SDHAF2: variants seen among roughly 807,000 people sequenced by gnomAD.
SDHAF2 encodes succinate dehydrogenase assembly factor 2, mitochondrial.
SDHAF2 carries 21 observed loss-of-function variants against 18.5 expected under a neutral mutation model. That is an observed-to-expected ratio of 1.13 (90% confidence interval 0.80 to 1.63). SDHAF2 has a LOEUF of 1.63. SDHAF2 is among the 40% of genes most tolerant of loss of function. The pLI is 0.00. For missense variants in SDHAF2, 195 were observed against 200.3 expected (o/e 0.97, Z 0.16); for synonymous variants, 84 against 70.7 (o/e 1.19, Z -0.94).
Position 61,446,179 on chromosome 11 carries a change from G to A in SDHAF2, c.*108G>A. ...TTAGATGCCCAGCTGCCCTACCCCA[G>A]ACCACTGGTCCTGCCTCAAGTGATG... is the stretch of plus-strand genomic sequence containing the variant. On this transcript the variant is annotated 3_prime_UTR_variant, in exon 4 of 4. Coordinates refer to ENST00000301761, the MANE Select transcript of SDHAF2 (RefSeq NM_017841.4). 2 of 1,258,730 alleles carry A rather than the reference G, an allele frequency of 1.6e-6. No homozygotes were observed. The highest frequency in any genetic ancestry group is 2.3e-5 in the East Asian group (1 of 43,252). The allele number at this position is 1,258,730 out of a possible 1,614,324, so 78.0% of individuals were successfully genotyped here. A position where few individuals can be genotyped will look rare whatever the true frequency, so the allele number is the denominator to read the frequency against.
At chr11:61,437,580 A>G (rs367982539) in intron 1 of SDHAF2, 45 bp from the exon 2 acceptor site, 1 of 1,473,872 alleles carries the variant, frequency 6.8e-7, no homozygotes, top group Non-Finnish European at 9.5e-7. Context: ...GATAGCGATG[A>G]TAGTCGTCAT....
At chr11:61,444,615 C>A (rs913355169) in intron 3 of SDHAF2, among the ~76,000 whole-genome samples, 1 of 151,280 alleles carries the variant, frequency 6.6e-6, no homozygotes, top group Admixed American at 6.6e-5. Flanking sequence ...TGGTGGCGGG[C>A]GCCTGTGGTG....
chr11:61,437,023 T>C lies in SDHAF2; in HGVS notation c.37-602T>C, dbSNP rs1292290211. The C allele has an allele frequency of 2.6e-6, 3 of 1,169,102 alleles. No homozygotes were observed. The East Asian group carries it at 1.9e-4, about 73-fold the overall frequency. 72.4% of individuals were successfully genotyped at this position (1,169,102 alleles called of 1,614,324 possible). ...TAAGGGAGTGCAAAGGAAGGAAAAA[T>C]TATTTCTGCTGGGATAGTTTCTGGA... On this transcript the variant is annotated intron_variant, in intron 1 of 3. Coordinates refer to ENST00000301761, the MANE Select transcript of SDHAF2 (RefSeq NM_017841.4).
intron 1 of SDHAF2, chr11:61,431,929 A>G (rs577860904): frequency 2.6e-5 from 4 of 152,404 alleles, no homozygotes; most frequent in African/African-American, 4.8e-5. Flanking sequence ...TGACCTCGTG[A>G]TCTGCCCGCC....
chr11:61,436,850 T>A lies in SDHAF2; in HGVS notation c.37-775T>A, dbSNP rs996150639. ...CTACTCCACCATCTTCACCTCTTGC[T>A]GAGGTCACCACCTTGACATCATATC... On this transcript the variant is annotated intron_variant, in intron 1 of 3. Coordinates refer to ENST00000301761, the MANE Select transcript of SDHAF2 (RefSeq NM_017841.4). The A allele has an allele frequency of 3.1e-6, 4 of 1,284,324 alleles. No homozygotes were observed. In the African/African-American group the frequency reaches 6.1e-5, roughly 20 times the overall value. 79.6% of individuals were successfully genotyped at this position (1,284,324 alleles called of 1,614,324 possible).
intron 1 of SDHAF2, chr11:61,435,153 AT>A (rs1861978706): frequency 6.6e-6 from 1 of 152,224 alleles, no homozygotes. Context: ...AAGTGCTAAG[AT>A]TATAGACATG....
intron 3 of SDHAF2, among the ~76,000 whole-genome samples, chr11:61,441,259 G>A (rs1862062037): frequency 6.6e-6 from 1 of 152,114 alleles, no homozygotes; most frequent in African/African-American, 2.4e-5. Context: ...TCAACCAGAC[G>A]CGGTGGCTCA....
chr11:61,434,090 A>G (rs1048097700), intron 1 of SDHAF2: 1 of 152,238 alleles, frequency 6.6e-6, no homozygotes, highest in Admixed American at 6.5e-5. Flanking sequence ...AATACGTCGC[A>G]GTATGGACTT....
At chr11:61,439,549 C>T (rs926542649) in intron 3 of SDHAF2, among the ~76,000 whole-genome samples, 1 of 152,148 alleles carries the variant, frequency 6.6e-6, no homozygotes, top group African/African-American at 2.4e-5. Flanking sequence ...TGCCACACTC[C>T]GGGACTGCTG....
At chr11:61,436,698 G>A in intron 1 of SDHAF2, 1 of 394,574 alleles carries the variant, frequency 2.5e-6, no homozygotes, top group Non-Finnish European at 5.0e-6. Context: ...TGGATTCGAT[G>A]CAGCTGGTTT....
At chr11:61,435,515 T>C (rs1314324696) in intron 1 of SDHAF2, 5 of 152,206 alleles carry the variant, frequency 3.3e-5, no homozygotes, top group African/African-American at 1.2e-4. Context: ...CTCCTGGTCT[T>C]TGTACTGGTG....
intron 3 of SDHAF2, among the ~76,000 whole-genome samples, chr11:61,442,171 G>A (rs1291640142): frequency 6.6e-6 from 1 of 152,178 alleles, no homozygotes; most frequent in Middle Eastern, 3.2e-3. Flanking sequence ...GGGATTACAG[G>A]TGTGAGCCAC....
At chr11:61,443,712 A>G (rs912848493) in intron 3 of SDHAF2, among the ~76,000 whole-genome samples, 6 of 151,886 alleles carry the variant, frequency 4.0e-5, no homozygotes, top group Admixed American at 1.3e-4. Flanking sequence ...CCCAGGTTCA[A>G]GCGATTCTCC....
chr11:61,446,166 C>A lies in SDHAF2; in HGVS notation c.*95C>A. 7.0e-7 allele frequency: 1 copy of A among 1,422,156 alleles called. No individual in the cohort carries two copies. Among genetic ancestry groups the A allele is most frequent in the Non-Finnish European group, 9.9e-7 (1 of 1,012,648 alleles). The allele number at this position is 1,422,156 out of a possible 1,614,324, so 88.1% of individuals were successfully genotyped here. ...TGCTTCCGGCTTCTTAGATGCCCAG[C>A]TGCCCTACCCCAGACCACTGGTCCT... On this transcript the variant is annotated 3_prime_UTR_variant, in exon 4 of 4. Coordinates refer to ENST00000301761, the MANE Select transcript of SDHAF2 (RefSeq NM_017841.4).
At chr11:61,434,637 G>T (rs1861972660) in intron 1 of SDHAF2, 5 of 128,602 alleles carry the variant, frequency 3.9e-5, no homozygotes, top group East Asian at 2.3e-4. Context: ...AATTTCAAAT[G>T]ACCAGTCTTT....
rs1336317454 is a variant in SDHAF2 at position 61,441,881 on chromosome 11, TCCTC to T, written c.370+3772_370+3775del. Among the ~76,000 whole-genome samples the T allele has an allele frequency of 4.3e-5, 5 of 115,256 alleles. No homozygotes were observed. The East Asian group carries it at 1.1e-3, about 25-fold the overall frequency. 75.6% of individuals were successfully genotyped at this position (115,256 alleles called of 152,430 possible). ...CTCTTCAAATTCCGCCCCCCACCAC[TCCTC>T]CCTTTTTTTTTTTTTTGAGACAGGA... On this transcript the variant is annotated intron_variant, in intron 3 of 3. Transcript: ENST00000301761.
intron 1 of SDHAF2, chr11:61,432,151 G>C (rs1861940723): frequency 6.6e-6 from 1 of 152,166 alleles, no homozygotes; most frequent in South Asian, 2.1e-4. Flanking sequence ...CCAGCTACTT[G>C]AGAGGCTGAG....
intron 1 of SDHAF2, chr11:61,434,604 T>TG (rs1242669798): frequency 1.3e-5 from 2 of 150,792 alleles, no homozygotes; most frequent in East Asian, 1.9e-4. Flanking sequence ...TTTTTTTTTT[T>TG]TTTTTTAGAA....
At chr11:61,436,922 G>A (rs1415262779) in intron 1 of SDHAF2, 1 of 1,284,886 alleles carries the variant, frequency 7.8e-7, no homozygotes, top group Non-Finnish European at 1.0e-6. Context: ...TGGGGGATTA[G>A]GGATCATGCT....
Sources: gnomAD v4.1 joint callset for allele counts (sites outside exome capture counted in the v4.1 genomes callset) on GRCh38, gnomAD v4.1.1 for gene constraint, MANE v1.5 for transcripts, NCBI Gene and HGNC (gene_info 2026-07-23, HGNC 2026-07-21) for gene names.